USH1C: variants seen among roughly 807,000 people sequenced by gnomAD.
The protein encoded by USH1C is harmonin.
In USH1C, 90 loss-of-function variants were observed where a neutral mutation model predicts 119.3. The observed-to-expected ratio is 0.75, with a 90% CI of 0.64 to 0.90. USH1C has a LOEUF of 0.90. Ranked by LOEUF, USH1C falls within the 40% of genes least tolerant of loss-of-function variation. The pLI, the probability that USH1C is intolerant of heterozygous loss-of-function variation, is 0.00. For missense variants in USH1C, 1,165 were observed against 1,167.7 expected (o/e 1.00, Z 0.03); for synonymous variants, 465 against 443.3 (o/e 1.05, Z -0.62).
Position 17,520,132 on chromosome 11 carries a change from G to A in USH1C, c.1210+738C>T, listed in dbSNP as rs138706212. 3.0e-3 allele frequency among the ~76,000 whole-genome samples: 463 copies of A among 152,322 alleles called. 3 individuals are homozygous for A. The highest frequency in any genetic ancestry group is 0.01 in the African/African-American group (422 of 41,570). The stretch of plus-strand genomic sequence containing the variant: ...TGGACTTGTGGTTGTCATGGTCCCC[G>A]TTTTCCTCTGGCAGTGTGGGCTGCC... On this transcript the variant is annotated intron_variant, in intron 14 of 26. Transcript: ENST00000005226.
intron 14 of USH1C, chr11:17,517,436 C>T (rs762723760): frequency 6.3e-7 from 1 of 1,596,144 alleles, no homozygotes; most frequent in South Asian, 1.1e-5. Context: ...CCATCCAGGT[C>T]ATCTGCGGGC....
At chr11:17,539,983 C>T (rs1041486768) in intron 1 of USH1C, among the ~76,000 whole-genome samples, 2 of 151,980 alleles carry the variant, frequency 1.3e-5, no homozygotes, top group South Asian at 2.1e-4. Context: ...AGGTGCACAA[C>T]ACCACACCTG....
chr11:17,511,841 A>G (rs181657109), intron 16 of USH1C, 61 bp downstream of exon 16: 7 of 1,569,022 alleles, frequency 4.5e-6, no homozygotes, highest in African/African-American at 2.7e-5. Flanking sequence ...CTGGGAGCAC[A>G]TGGAGAACGA....
rs1554963786 is a variant in USH1C, at chr11:17,533,365, C to CT, written c.37-44_37-43insA. 4 of 1,436,764 alleles carry CT rather than the reference C, an allele frequency of 2.8e-6. No individual in the cohort carries two copies. In the African/African-American group the frequency reaches 4.2e-5, roughly 15 times the overall value. The allele number at this position is 1,436,764 out of a possible 1,614,324, so 89.0% of individuals were successfully genotyped here. ...AGAATCACAGCTCCAGGCTCAGCACCCGCCCCCATAGCAGACCTCAGGGAG... is the reference window on the plus strand; with the variant it reads ...AGAATCACAGCTCCAGGCTCAGCACCTCGCCCCCATAGCAGACCTCAGGGAG... On this transcript the variant is annotated intron_variant, in intron 1 of 26. Coordinates refer to ENST00000005226, the MANE Select transcript of USH1C (RefSeq NM_153676.4).
chr11:17,522,143 T>G (rs1349119259), intron 12 of USH1C, among the ~76,000 whole-genome samples: 6 of 152,234 alleles, frequency 3.9e-5, no homozygotes, highest in Non-Finnish European at 7.3e-5. Flanking sequence ...TGAAATACTT[T>G]TAAATGCCTA....
At chr11:17,538,738 T>C (rs1241610911) in intron 1 of USH1C, among the ~76,000 whole-genome samples, 2 of 152,062 alleles carry the variant, frequency 1.3e-5, no homozygotes, top group African/African-American at 4.8e-5. Flanking sequence ...TGTTCAGCCA[T>C]CGGGAGGCAC....
chr11:17,538,362 G>T (rs1353495366), intron 1 of USH1C, among the ~76,000 whole-genome samples: 1 of 152,100 alleles, frequency 6.6e-6, no homozygotes, highest in East Asian at 1.9e-4. Context: ...TGGCCATGTG[G>T]TACCCTCCAG....
chr11:17,542,768 T>C (rs1241467954), intron 1 of USH1C, among the ~76,000 whole-genome samples: 1 of 150,364 alleles, frequency 6.7e-6, no homozygotes, highest in Non-Finnish European at 1.5e-5. Context: ...CAAACTGGGT[T>C]GCCTGAAATC....
chr11:17,526,454 T>C lies in USH1C; in HGVS notation c.580-13A>G, dbSNP rs762967319. ...TGCCTCGCACGCCCTGAAAGAGAGA[T>C]AGAAGCAGAATCACGGAGTGTCCAC... On this transcript the variant is annotated splice_polypyrimidine_tract_variant and intron_variant, in intron 7 of 26. Transcript: ENST00000005226. The C allele has an allele frequency of 1.9e-5, 31 of 1,612,274 alleles. No individual in the cohort carries two copies. Among genetic ancestry groups the C allele is most frequent in the East Asian group, 1.1e-4 (5 of 44,852 alleles).
intron 1 of USH1C, 46 bp from the exon 2 acceptor site, chr11:17,533,368 C>CA (rs1554963806): frequency 1.2e-5 from 17 of 1,380,248 alleles, no homozygotes; most frequent in Non-Finnish European, 1.0e-6. Flanking sequence ...TCAGCACCCG[C>CA]CCCCATAGCA....
Position 17,494,476 on chromosome 11 carries a change from C to A in USH1C, c.2656-100G>T, listed in dbSNP as rs1189696595. Reference sequence around the variant, plus strand: ...CCACAAGGGGGAGTACCCACTCTGGCAGCACAAGGCCCTGCCACCCTTTGG... The same window carrying A: ...CCACAAGGGGGAGTACCCACTCTGGAAGCACAAGGCCCTGCCACCCTTTGG... On this transcript the variant is annotated intron_variant, in intron 26 of 26. Coordinates refer to ENST00000005226, the MANE Select transcript of USH1C (RefSeq NM_153676.4). 6 of 1,370,142 alleles carry A rather than the reference C, an allele frequency of 4.4e-6. 1 individual carries two copies. The highest frequency in any genetic ancestry group is 2.0e-5 in the Admixed American group (1 of 50,718). 84.9% of individuals were successfully genotyped at this position (1,370,142 alleles called of 1,614,324 possible).
chr11:17,512,103 G>A (rs371208963), intron 15 of USH1C, 49 bp from the exon 16 acceptor site: 12 of 1,599,072 alleles, frequency 7.5e-6, no homozygotes, highest in Middle Eastern at 1.6e-4. Flanking sequence ...AAATAGTGTC[G>A]ACAGCACAGC....
intron 23 of USH1C, among the ~76,000 whole-genome samples, chr11:17,498,702 C>T (rs2270023): frequency 0.18 from 27,901 of 152,178 alleles, 2,980 homozygotes; most frequent in East Asian, 0.29. Context: ...GCTTTCTCTT[C>T]TTCTAGGTCT....
intron 10 of USH1C, 25 bp from the exon 11 acceptor site, chr11:17,523,292 C>A (rs1411383036): frequency 2.5e-6 from 4 of 1,614,044 alleles, no homozygotes; most frequent in Non-Finnish European, 3.4e-6. Flanking sequence ...GGACAGTGGG[C>A]CGAGGCCTGA....
chr11:17,542,827 C>T (rs926036845), intron 1 of USH1C, among the ~76,000 whole-genome samples: 1 of 152,216 alleles, frequency 6.6e-6, no homozygotes, highest in Admixed American at 6.5e-5. Context: ...CGACATGTCT[C>T]TTTGCAACAG....
chr11:17,512,988 A>T (rs1849960637), intron 15 of USH1C, among the ~76,000 whole-genome samples: 2 of 152,182 alleles, frequency 1.3e-5, no homozygotes, highest in East Asian at 3.8e-4. Context: ...GAGAATGATC[A>T]TTTATGAACT....
In USH1C at chr11:17,494,266, T is replaced by C; in HGVS notation, c.*66A>G. On this transcript the variant is annotated 3_prime_UTR_variant, in exon 27 of 27. Coordinates refer to ENST00000005226, the MANE Select transcript of USH1C (RefSeq NM_153676.4). ...CAAGGATGCCATCTGGTGTGTGTAG[T>C]GTGGCCTCTCTCAAGGCTGATCCGA... 1 of 1,543,640 alleles carries C rather than the reference T, an allele frequency of 6.5e-7. No homozygotes were observed. The highest frequency in any genetic ancestry group is 8.8e-7 in the Non-Finnish European group (1 of 1,130,444).
rs554615192 is a variant in USH1C, at chr11:17,531,259, G to T, written c.282C>A (p.His94Gln). ...GCACACTCAGGCCGAGGCCTTCGGG[G>T]TGCAGACGGTCCAGACGCACCTCCT... Reference protein sequence around the residue: ...KLKEVRLDRLHPEGLGLSVRG... With the variant: ...KLKEVRLDRLQPEGLGLSVRG... The change falls in exon 4 of 27, where the codon CAC becomes CAA. Residue 94 changes from histidine to glutamine, a missense_variant. Coordinates refer to ENST00000005226, the MANE Select transcript of USH1C (RefSeq NM_153676.4). The surrounding 1 kb of genome is among the most constrained non-coding windows in gnomAD (Gnocchi z 4.2). The T allele has an allele frequency of 2.5e-6, 4 of 1,614,132 alleles. No individual in the cohort carries two copies. The highest frequency in any genetic ancestry group is 4.5e-5 in the East Asian group (2 of 44,876).
rs1466502009 is a variant in USH1C, at chr11:17,531,097, G to T, written c.387+57C>A. 3 of 1,611,646 alleles carry T rather than the reference G, an allele frequency of 1.9e-6. No individual in the cohort carries two copies. Among genetic ancestry groups the T allele is most frequent in the South Asian group, 2.2e-5 (2 of 90,876 alleles). Reference sequence around the variant, plus strand: ...CCACACAGCCTAGTGGATGAATGAGGGGGAGGCAGGAGGTCCGAGGCCCTC... The same window carrying T: ...CCACACAGCCTAGTGGATGAATGAGTGGGAGGCAGGAGGTCCGAGGCCCTC... On this transcript the variant is annotated intron_variant, in intron 4 of 26. Coordinates refer to ENST00000005226, the MANE Select transcript of USH1C (RefSeq NM_153676.4). This position sits in a 1 kb window ranked among gnomAD's most constrained non-coding sequence, Gnocchi z 4.2.
Sources: allele counts gnomAD v4.1 joint callset (sites outside exome capture counted in the v4.1 genomes callset), GRCh38; gene constraint gnomAD v4.1.1; non-coding constraint Gnocchi (gnomAD v3.1); transcripts MANE v1.5; gene names NCBI Gene and HGNC (gene_info 2026-07-23, HGNC 2026-07-21).